Variants in BAZ1B observed in about 807,000 individuals in gnomAD.
BAZ1B encodes the protein bromodomain adjacent to zinc finger domain 1B.
A neutral mutation model predicts 153.8 loss-of-function variants in BAZ1B; 22 were observed. The ratio of observed to expected loss-of-function variants is 0.14; its 90% CI spans 0.10 to 0.20. The LOEUF (loss-of-function observed/expected upper bound fraction) is 0.20, where lower values mean the gene tolerates loss of function less well. BAZ1B is among the 10% of genes least tolerant of loss of function. The probability of loss-of-function intolerance (pLI) is 1.00; values close to 1 mark genes in which losing one functional copy is unlikely to be tolerated. For missense variants in BAZ1B, 1,325 were observed against 1,799.3 expected, an observed-to-expected ratio of 0.74 and a Z score of 4.77; for synonymous variants, 676 against 633.4, an observed-to-expected ratio of 1.07 and a Z score of -1.01.
intron 16 of BAZ1B, among the ~76,000 whole-genome samples, chr7:73,446,546 C>CAAAAAA (rs1175189600): frequency 4.1e-4 from 17 of 41,428 alleles, no homozygotes; most frequent in Middle Eastern, 0.011. Flanking sequence ...GAGACCATCT[C>CAAAAAA]AAAAAAAAAA....
rs575997183 is a variant in BAZ1B at position 73,520,824 on chromosome 7, G to C, written c.107+1003C>G. Among the ~76,000 whole-genome samples the C allele has an allele frequency of 3.3e-5, 5 of 152,282 alleles. No individual in the cohort carries two copies. The East Asian group carries it at 5.8e-4, about 18-fold the overall frequency. ...GAAATGAAGTCCTTCCGAACAGAAG[G>C]GGCTGAGAAAACTCATAACACATTA... On this transcript the variant is annotated intron_variant, in intron 1 of 19. Transcript: ENST00000339594.
chr7:73,509,907 G>A (rs372129951), intron 2 of BAZ1B, among the ~76,000 whole-genome samples: 9 of 146,946 alleles, frequency 6.1e-5, no homozygotes, highest in Admixed American at 1.4e-4. Flanking sequence ...TGAGCAGGTC[G>A]CTTGAGGTCA....
chr7:73,454,498 AG>A (rs1788125189), intron 13 of BAZ1B, among the ~76,000 whole-genome samples: 1 of 152,188 alleles, frequency 6.6e-6, no homozygotes, highest in South Asian at 2.1e-4. Flanking sequence ...CCTCGGCCTC[AG>A]GAAGAAATGT....
At chr7:73,459,451 G>A in intron 13 of BAZ1B, 85 bp downstream of exon 13, 1 of 1,402,270 alleles carries the variant, frequency 7.1e-7, no homozygotes, top group South Asian at 1.3e-5. Context: ...GCCTATAGCA[G>A]CTAAAATGCA....
chr7:73,461,079 G>A (rs564718593), intron 12 of BAZ1B, among the ~76,000 whole-genome samples: 113 of 152,008 alleles, frequency 7.4e-4, no homozygotes, highest in African/African-American at 2.5e-3. Context: ...GGGTTTAAGC[G>A]ATTCTTCTGC....
At chr7:73,505,185 G>C (rs1217946500) in intron 3 of BAZ1B, among the ~76,000 whole-genome samples, 2 of 152,144 alleles carry the variant, frequency 1.3e-5, no homozygotes, top group Admixed American at 6.5e-5. Context: ...AAAGGGTGGA[G>C]CTTTCTATTT....
At chr7:73,493,341 T>G (rs1335715589) in intron 4 of BAZ1B, among the ~76,000 whole-genome samples, 2 of 151,670 alleles carry the variant, frequency 1.3e-5, no homozygotes, top group Admixed American at 1.3e-4. Context: ...ATCCCTATAA[T>G]CCCAGCTACT....
intron 3 of BAZ1B, among the ~76,000 whole-genome samples, 196 bp downstream of exon 3, chr7:73,508,131 G>C (rs913142016): frequency 5.3e-5 from 8 of 152,084 alleles, no homozygotes; most frequent in Non-Finnish European, 8.8e-5. Context: ...CTCCAGCCTT[G>C]GCGACAGAGT....
chr7:73,442,936 T>G, intron 17 of BAZ1B, 108 bp from the exon 18 acceptor site: 1 of 863,644 alleles, frequency 1.2e-6, no homozygotes, highest in Non-Finnish European at 1.8e-6. Flanking sequence ...GTTCAACTAT[T>G]TCCTTGGCGC....
In BAZ1B at chr7:73,522,061, G is replaced by A. The variant is rs1433905294; in HGVS notation, c.-128C>T. ...GGGGGAAGGGAGGGGTGAGAGGGCG[G>A]CGCGAACTCCGGCTCCCTCACCGCC... On this transcript the variant is annotated 5_prime_UTR_variant, in exon 1 of 20. Coordinates refer to ENST00000339594, the MANE Select transcript of BAZ1B (RefSeq NM_032408.4). 5.1e-6 allele frequency: 3 copies of A among 592,638 alleles called. No homozygotes were observed. Among genetic ancestry groups the A allele is most frequent in the Admixed American group, 4.4e-5 (1 of 22,732 alleles). The allele number at this position is 592,638 out of a possible 1,614,324, so 36.7% of individuals were successfully genotyped here. A position where few individuals can be genotyped will look rare whatever the true frequency, so the allele number is the denominator to read the frequency against.
chr7:73,448,423 G>A (rs1787916728), intron 15 of BAZ1B, among the ~76,000 whole-genome samples: 1 of 152,234 alleles, frequency 6.6e-6, no homozygotes, highest in South Asian at 2.1e-4. Context: ...TACAAGGCCC[G>A]GTATTTGGCC....
chr7:73,462,878 G>C (rs1554570586), intron 12 of BAZ1B, 44 bp downstream of exon 12: 16 of 1,591,540 alleles, frequency 1.0e-5, no homozygotes, highest in African/African-American at 1.3e-5. Flanking sequence ...ACTTCAGATT[G>C]AGTTGCCATG....
At chr7:73,498,282 C>T (rs1422796011) in intron 4 of BAZ1B, among the ~76,000 whole-genome samples, 2 of 152,036 alleles carry the variant, frequency 1.3e-5, no homozygotes, top group African/African-American at 4.8e-5. Context: ...TTCTAAGCAA[C>T]TAGAGGAAAC....
intron 6 of BAZ1B, among the ~76,000 whole-genome samples, chr7:73,481,812 C>T (rs1287497224): frequency 2.6e-5 from 4 of 152,062 alleles, no homozygotes; most frequent in African/African-American, 9.7e-5. Context: ...CTGAGGCGGG[C>T]AGATCACGAG....
intron 6 of BAZ1B, among the ~76,000 whole-genome samples, chr7:73,484,033 C>T (rs1159865262): frequency 1.3e-5 from 2 of 152,064 alleles, no homozygotes; most frequent in African/African-American, 2.4e-5. Context: ...TTTGGGAGGC[C>T]GAGGCTGGTG....
rs782743436 is a variant in BAZ1B at position 73,477,981 on chromosome 7, C to T, written c.1480G>A (p.Ala494Thr). Residue 494 changes from alanine (A) to threonine (T), a missense_variant, in exon 7 of 20, where the codon GCC (alanine) becomes ACC (threonine). Ala to Thr is a moderately conservative substitution (Grantham distance 58). Transcript: ENST00000339594. The surrounding 1 kb of genome is among the most constrained non-coding windows in gnomAD (Gnocchi z 5.6). ...ENKDREDKRS[A>T]LSCVISKTAR... ...GTTTTGGAGATAACACAGGACAGGG[C>T]GCTCCTCTTGTCCTCCCTGTCTTTG... 6.2e-7 allele frequency: 1 copy of T among 1,614,112 alleles called. No homozygotes were observed. Among genetic ancestry groups the T allele is most frequent in the Non-Finnish European group, 8.5e-7 (1 of 1,180,032 alleles).
rs1479643822 is a variant in BAZ1B, at chr7:73,476,909, T to C, written c.2552A>G (p.Gln851Arg). ...CTGGATTTCCCGTTCCTTCTTAGCT[T>C]GAATGGCAAGCAACCTTCTGCTCTT... ...AVKSRRLLAI[Q>R]AKKEREIQER... Residue 851 changes from glutamine (Q) to arginine (R), a missense_variant, in exon 7 of 20, where the codon CAA becomes CGA. Transcript: ENST00000339594. 9.3e-6 allele frequency: 15 copies of C among 1,608,206 alleles called. No homozygotes were observed. Among genetic ancestry groups the C allele is most frequent in the Admixed American group, 1.7e-5 (1 of 58,698 alleles).
In BAZ1B at chr7:73,477,035, C is replaced by T; in HGVS notation, c.2426G>A (p.Gly809Glu). ...TTTGCCTAACCCATTCTCAACTTTT[C>T]CATTTTCTTTATTTTTGGCTTCCAT... ...KEMEAKNKEN[G>E]KVENGLGKTD... The change falls in exon 7 of 20, where the codon GGA becomes GAA. Residue 809 changes from glycine to glutamate, a missense_variant. This residue lies in a region of BAZ1B where 431 missense variants were observed against 563.5 expected (regional missense o/e 0.76). Transcript: ENST00000339594. The surrounding 1 kb of genome is among the most constrained non-coding windows in gnomAD (Gnocchi z 5.6). 1 of 1,614,154 alleles carries T rather than the reference C, an allele frequency of 6.2e-7. No individual in the cohort carries two copies. Among genetic ancestry groups the T allele is most frequent in the Non-Finnish European group, 8.5e-7 (1 of 1,180,028 alleles).
intron 9 of BAZ1B, among the ~76,000 whole-genome samples, chr7:73,469,072 GT>G (rs1788699094): frequency 1.3e-5 from 2 of 151,286 alleles, no homozygotes; most frequent in African/African-American, 4.9e-5. Flanking sequence ...GGAGGTTGCA[GT>G]GAGCCGAGAT....
Sources: gnomAD v4.1 joint callset for allele counts (sites outside exome capture counted in the v4.1 genomes callset) on GRCh38, gnomAD v4.1.1 for gene constraint, gnomAD v4.1.1 regional missense constraint, Gnocchi (gnomAD v3.1) non-coding constraint, MANE v1.5 for transcripts, NCBI Gene and HGNC (gene_info 2026-07-23, HGNC 2026-07-21) for gene names.